FREM1: variants seen among roughly 807,000 people sequenced by gnomAD.
The protein encoded by FREM1 is FRAS1 related extracellular matrix 1, also known as FRAS1-related extracellular matrix protein 1.
In FREM1, 220 loss-of-function variants were observed where a neutral mutation model predicts 210.1. The ratio of observed to expected loss-of-function variants is 1.05; its 90% confidence interval spans 0.94 to 1.17. FREM1 has a LOEUF of 1.17. Ranked by LOEUF, FREM1 falls within the 50% of genes most tolerant of loss-of-function variation. The pLI, the probability that FREM1 is intolerant of heterozygous loss-of-function variation, is 0.00. For missense variants in FREM1, 3,454 were observed against 2,675.5 expected, an observed-to-expected ratio of 1.29 and a Z score of -6.42; for synonymous variants, 1,189 against 980.2, an observed-to-expected ratio of 1.21 and a Z score of -3.98.
chr9:14,865,817 A>C (rs997332654), intron 2 of FREM1, among the ~76,000 whole-genome samples: 1 of 152,204 alleles, frequency 6.6e-6, no homozygotes, highest in Non-Finnish European at 1.5e-5. Context: ...AAACAGACTT[A>C]GGAATCTTGT....
chr9:14,894,374 C>T (rs771721676), intron 1 of FREM1, among the ~76,000 whole-genome samples: 15 of 152,214 alleles, frequency 9.9e-5, no homozygotes, highest in African/African-American at 1.7e-4. Context: ...GGCATTTTAT[C>T]ATCCACTGAC....
chr9:14,841,497 G>T lies in FREM1; in HGVS notation c.1831C>A (p.Gln611Lys). Reference sequence around the variant, plus strand: ...TCATGGCTGTCCCACAGGACAAATTGAAAAGAATCTTCAAAGATTTCTCCA... The same window carrying T: ...TCATGGCTGTCCCACAGGACAAATTTAAAAGAATCTTCAAAGATTTCTCCA... ...FGGEIFEDSF[Q>K]FVLWDSHEPP... The change falls in exon 10 of 37, where the codon CAA (glutamine) becomes AAA (lysine). Residue 611 changes from glutamine (Q) to lysine (K), a missense_variant. Transcript: ENST00000380880. 1.2e-6 allele frequency: 2 copies of T among 1,611,990 alleles called. No homozygotes were observed. Among genetic ancestry groups the T allele is most frequent in the African/African-American group, 1.3e-5 (1 of 75,016 alleles).
At chr9:14,837,180 G>A (rs956648660) in intron 10 of FREM1, among the ~76,000 whole-genome samples, 2 of 152,164 alleles carry the variant, frequency 1.3e-5, no homozygotes, top group African/African-American at 2.4e-5. Flanking sequence ...TAAAAGGCTA[G>A]GGTGGGAGGA....
chr9:14,816,747 C>G, intron 15 of FREM1, 31 bp downstream of exon 15: 4 of 1,227,240 alleles, frequency 3.3e-6, no homozygotes. Flanking sequence ...CAGACTAAGA[C>G]AATAACCCAG....
In FREM1 at chr9:14,826,382, A is replaced by G. The variant is rs192320678; in HGVS notation, c.1882-1390T>C. Among the ~76,000 whole-genome samples, 313 of 152,090 alleles carry G rather than the reference A, an allele frequency of 2.1e-3. 1 individual carries two copies. The highest frequency in any genetic ancestry group is 7.2e-3 in the African/African-American group (301 of 41,522). On this transcript the variant is annotated intron_variant, in intron 10 of 36. Transcript: ENST00000380880. ...GCTGGGATTACAGCCATGAGCCACCACCCAGCCACCTTTCAACATCTTTTA... is the reference window on the plus strand; with the variant it reads ...GCTGGGATTACAGCCATGAGCCACCGCCCAGCCACCTTTCAACATCTTTTA...
At position 14,737,558 on chromosome 9, in the gene FREM1, C is replaced by T. The variant is rs1162827447; in HGVS notation, c.6378G>A (p.Trp2126Ter). Residue 2126 changes from tryptophan to a stop codon, truncating the protein, a stop_gained, in exon 37 of 37, where the codon TGG (tryptophan) becomes TGA (stop). Coordinates refer to ENST00000380880, the MANE Select transcript of FREM1 (RefSeq NM_001379081.2). LOFTEE classifies it high-confidence loss of function. ...TGAAGGCAACAGGTTCACCACCGAT[C>T]CACTCCCAGTGGCCAGCATGCACTT... ...NDQVHAGHWE[W>*]IGGEPVAFTN... The T allele has an allele frequency of 6.2e-7, 1 of 1,601,076 alleles. No homozygotes were observed. Among genetic ancestry groups the T allele is most frequent in the African/African-American group, 1.3e-5 (1 of 74,602 alleles).
intron 13 of FREM1, among the ~76,000 whole-genome samples, chr9:14,821,643 C>A (rs1821335047): frequency 6.6e-6 from 1 of 152,174 alleles, no homozygotes; most frequent in Non-Finnish European, 1.5e-5. Context: ...GTTTAAAATC[C>A]TCCGTGTGAG....
At chr9:14,873,620 T>C (rs190787549) in intron 1 of FREM1, among the ~76,000 whole-genome samples, 77 of 152,286 alleles carry the variant, frequency 5.1e-4, no homozygotes, top group Non-Finnish European at 1.0e-3. Flanking sequence ...AAAAACCAGA[T>C]CCTGGATTCA....
chr9:14,762,023 A>G (rs923010632), intron 27 of FREM1, among the ~76,000 whole-genome samples: 2 of 152,224 alleles, frequency 1.3e-5, no homozygotes, highest in Non-Finnish European at 2.9e-5. Flanking sequence ...ATAGGGTTCA[A>G]TACTATTTGC....
Position 14,748,511 on chromosome 9 carries a change from G to T in FREM1, c.5686C>A (p.Pro1896Thr), listed in dbSNP as rs375241879. 1.2e-6 allele frequency: 2 copies of T among 1,613,564 alleles called. No homozygotes were observed. The highest frequency in any genetic ancestry group is 1.1e-5 in the South Asian group (1 of 91,068). Residue 1896 changes from proline (P) to threonine (T), a missense_variant, in exon 31 of 37, where the codon CCT becomes ACT. Pro to Thr is a conservative substitution (Grantham distance 38). Coordinates refer to ENST00000380880, the MANE Select transcript of FREM1 (RefSeq NM_001379081.2). ...TSGSFHLERRPLPSSMQLAVI... is the reference protein window; with the variant it reads ...TSGSFHLERRTLPSSMQLAVI... ...GCTAGCTGCATGGAAGATGGAAGAGGTCTTCTTTCCAGATGAAAGGAACCA... is the reference window on the plus strand; with the variant it reads ...GCTAGCTGCATGGAAGATGGAAGAGTTCTTCTTTCCAGATGAAAGGAACCA...
At chr9:14,897,142 A>C (rs1393817669) in intron 1 of FREM1, among the ~76,000 whole-genome samples, 1 of 152,198 alleles carries the variant, frequency 6.6e-6, no homozygotes, top group Non-Finnish European at 1.5e-5. Context: ...AGCTTATCCA[A>C]ATTTTACGTA....
intron 24 of FREM1, among the ~76,000 whole-genome samples, chr9:14,782,947 G>A (rs1849863024): frequency 6.6e-6 from 1 of 152,180 alleles, no homozygotes; most frequent in East Asian, 1.9e-4. Context: ...CCCCAAGCCT[G>A]TATCTTAACT....
At chr9:14,896,857 C>T (rs1204520772) in intron 1 of FREM1, among the ~76,000 whole-genome samples, 1 of 152,206 alleles carries the variant, frequency 6.6e-6, no homozygotes, top group East Asian at 1.9e-4. Flanking sequence ...AAAAGGGCTG[C>T]TCAGACATTC....
At chr9:14,875,537 A>G (rs1309528779) in intron 1 of FREM1, among the ~76,000 whole-genome samples, 1 of 152,130 alleles carries the variant, frequency 6.6e-6, no homozygotes, top group African/African-American at 2.4e-5. Flanking sequence ...AGTGCCTTTA[A>G]GCACTTCTCT....
chr9:14,874,134 T>A (rs535465901), intron 1 of FREM1, among the ~76,000 whole-genome samples: 1 of 152,222 alleles, frequency 6.6e-6, no homozygotes, highest in South Asian at 2.1e-4. Flanking sequence ...CTGAAAAAAA[T>A]GTATATTCTG....
At chr9:14,784,333 C>T in intron 24 of FREM1, 37 bp downstream of exon 24, 1 of 1,588,126 alleles carries the variant, frequency 6.3e-7, no homozygotes, top group Admixed American at 1.7e-5. Context: ...AAGTATTAAT[C>T]CAAAGAAGGG....
intron 8 of FREM1, among the ~76,000 whole-genome samples, chr9:14,844,691 T>C (rs1826278969): frequency 6.6e-6 from 1 of 152,258 alleles, no homozygotes; most frequent in Non-Finnish European, 1.5e-5. Flanking sequence ...CATAGCAATA[T>C]GGTCATTTAA....
chr9:14,775,259 C>T (rs1183047963), intron 25 of FREM1, among the ~76,000 whole-genome samples: 1 of 152,130 alleles, frequency 6.6e-6, no homozygotes, highest in Non-Finnish European at 1.5e-5. Flanking sequence ...GACTCCAAAG[C>T]GTGTGGCTTT....
intron 1 of FREM1, among the ~76,000 whole-genome samples, chr9:14,870,801 C>A (rs1329588268): frequency 8.1e-6 from 1 of 123,836 alleles, no homozygotes; most frequent in Non-Finnish European, 1.7e-5. Context: ...CTATCCCTCC[C>A]CCCTCCCCCG....
Sources: gnomAD v4.1 joint callset for allele counts (sites outside exome capture counted in the v4.1 genomes callset) on GRCh38, gnomAD v4.1.1 for gene constraint, MANE v1.5 for transcripts, NCBI Gene and HGNC (gene_info 2026-07-23, HGNC 2026-07-21) for gene names.